The following CASK variants were observed in gnomAD, a reference collection of about 807,000 sequenced individuals.
The protein encoded by CASK is calcium/calmodulin dependent serine protein kinase, also known as peripheral plasma membrane protein CASK.
In CASK, 4 loss-of-function variants were observed where a neutral mutation model predicts 82.9. The ratio of observed to expected loss-of-function variants is 0.05; its 90% CI spans 0.02 to 0.11. The LOEUF is 0.11. Ranked by LOEUF, CASK falls within the 10% of genes least tolerant of loss-of-function variation. The pLI, the probability that CASK is intolerant of heterozygous loss-of-function variation, is 1.00. For synonymous variants in CASK, 259 were observed against 253.5 expected (o/e 1.02, Z -0.20); for missense variants, 358 against 720.9 (o/e 0.50, Z 5.76).
intron 25 of CASK, among the ~76,000 whole-genome samples, chrX:41,530,730 T>C (rs893492752): frequency 1.1e-4 from 12 of 112,287 alleles, no homozygotes; most frequent in Non-Finnish European, 2.1e-4. Context: ...CTGGCAGGCG[T>C]AGACACAATC....
intron 12 of CASK, among the ~76,000 whole-genome samples, chrX:41,599,041 T>C (rs2065861498): frequency 9.0e-6 from 1 of 111,686 alleles, no homozygotes; most frequent in South Asian, 3.8e-4. Flanking sequence ...TTCCTAAATC[T>C]AGTGACTGAA....
intron 15 of CASK, among the ~76,000 whole-genome samples, chrX:41,570,647 T>C (rs998194015): frequency 5.3e-5 from 6 of 112,259 alleles, no homozygotes; most frequent in Non-Finnish European, 1.1e-4. Context: ...CAGTCAACTT[T>C]TGCTGACTAC....
chrX:41,641,433 T>C (rs950454992), intron 8 of CASK, among the ~76,000 whole-genome samples: 12 of 111,752 alleles, frequency 1.1e-4, no homozygotes, highest in Non-Finnish European at 3.8e-5. Flanking sequence ...CAGTATACTT[T>C]ACAGTCTATA....
chrX:41,898,735 A>T (rs1314886414), intron 1 of CASK, among the ~76,000 whole-genome samples: 1 of 111,448 alleles, frequency 9.0e-6, no homozygotes, highest in African/African-American at 3.3e-5. Flanking sequence ...CATATTTAGG[A>T]ATTTTCCGTT....
intron 5 of CASK, among the ~76,000 whole-genome samples, chrX:41,707,685 TGAGAGAGC>T (rs1418670443): frequency 1.8e-5 from 2 of 111,348 alleles, no homozygotes; most frequent in East Asian, 2.8e-4. Flanking sequence ...TGTGTGTGCA[TGAGAGAGC>T]GAGAGAGAGA....
intron 5 of CASK, among the ~76,000 whole-genome samples, chrX:41,701,300 T>A (rs2067789059): frequency 8.9e-6 from 1 of 111,786 alleles, no homozygotes; most frequent in African/African-American, 3.3e-5. Flanking sequence ...GAAATAACTA[T>A]AGGGAAAAAT....
At chrX:41,813,153 A>G (rs1263882484) in intron 2 of CASK, among the ~76,000 whole-genome samples, 1 of 111,639 alleles carries the variant, frequency 9.0e-6, no homozygotes. Context: ...TATCGTGAAA[A>G]TGGCCATACT....
chrX:41,911,914 G>C (rs1206801201), intron 1 of CASK, among the ~76,000 whole-genome samples: 1 of 110,574 alleles, frequency 9.0e-6, no homozygotes, highest in Admixed American at 9.7e-5. Context: ...TAAGTTCTGG[G>C]ATACATGTGC....
chrX:41,792,289 A>ATTTTT (rs757353818), intron 2 of CASK, among the ~76,000 whole-genome samples: 2 of 91,419 alleles, frequency 2.2e-5, no homozygotes, highest in African/African-American at 7.9e-5. Context: ...TTCAATAAGG[A>ATTTTT]TTTTTTTTTT....
In CASK at chrX:41,589,944, T is replaced by C. The variant is rs41310659; in HGVS notation, c.1156-352A>G. ...AATACAGAGTAAAATGAAAGAATGC[T>C]TTCTGGCCAAGGCACGTCTACACGG... is the stretch of plus-strand genomic sequence containing the variant. On this transcript the variant is annotated intron_variant, in intron 12 of 26. Coordinates refer to ENST00000378163, the MANE Select transcript of CASK (RefSeq NM_001367721.1). 1.1e-3 allele frequency: 236 copies of C among 206,003 alleles called. 1 individual carries two copies. Among genetic ancestry groups the C allele is most frequent in the African/African-American group, 6.6e-3 (224 of 33,920 alleles). The allele number at this position is 206,003 out of a possible 1,213,427, so 17.0% of individuals were successfully genotyped here.
At chrX:41,892,593 C>T (rs1415603702) in intron 1 of CASK, among the ~76,000 whole-genome samples, 1 of 111,518 alleles carries the variant, frequency 9.0e-6, no homozygotes, top group African/African-American at 3.3e-5. Context: ...CCTCAGCCTC[C>T]CGAAGTGCTG....
At chrX:41,735,514 T>C (rs1019885402) in intron 5 of CASK, among the ~76,000 whole-genome samples, 3 of 111,453 alleles carry the variant, frequency 2.7e-5, no homozygotes, top group African/African-American at 9.8e-5. Flanking sequence ...ACCAAAGATA[T>C]ATTAGGAAAT....
At chrX:41,523,227 A>G (rs921207436) in intron 26 of CASK, among the ~76,000 whole-genome samples, 2 of 112,573 alleles carry the variant, frequency 1.8e-5, no homozygotes, top group African/African-American at 6.4e-5. Flanking sequence ...ACAAAAACAT[A>G]ATGACGGAAA....
chrX:41,713,486 T>C (rs776910737), intron 5 of CASK, among the ~76,000 whole-genome samples: 2 of 112,490 alleles, frequency 1.8e-5, no homozygotes, highest in African/African-American at 3.2e-5. Context: ...ATTTGCTTCC[T>C]ATGTAGACCA....
At chrX:41,813,813 G>A (rs1344155318) in intron 2 of CASK, among the ~76,000 whole-genome samples, 21 of 111,476 alleles carry the variant, frequency 1.9e-4, no homozygotes, top group East Asian at 5.6e-4. Context: ...GCAACCTACA[G>A]AATGGGAGAA....
chrX:41,624,135 C>A (rs1214544323), intron 10 of CASK: 1 of 310,668 alleles, frequency 3.2e-6, no homozygotes, highest in East Asian at 9.8e-5. Flanking sequence ...CAATACAAAC[C>A]ATTACTGGAT....
At chrX:41,701,647 A>G (rs1345570056) in intron 5 of CASK, among the ~76,000 whole-genome samples, 1 of 112,388 alleles carries the variant, frequency 8.9e-6, no homozygotes, top group Admixed American at 9.4e-5. Context: ...CCATGTTTTC[A>G]GATGAAGACT....
intron 1 of CASK, among the ~76,000 whole-genome samples, chrX:41,915,819 C>G (rs768947085): frequency 1.9e-5 from 2 of 106,722 alleles, no homozygotes; most frequent in East Asian, 5.8e-4. Context: ...GAAACCCCAT[C>G]TCTACTAGAA....
At chrX:41,749,470 CT>C (rs1264836294) in intron 3 of CASK, among the ~76,000 whole-genome samples, 2 of 91,278 alleles carry the variant, frequency 2.2e-5, no homozygotes, top group Non-Finnish European at 2.1e-5. Flanking sequence ...ACTGCAACCT[CT>C]GCTTCCCAGG....
Sources: allele counts gnomAD v4.1 joint callset (sites outside exome capture counted in the v4.1 genomes callset), GRCh38; gene constraint gnomAD v4.1.1; transcripts MANE v1.5; gene names NCBI Gene and HGNC (gene_info 2026-07-23, HGNC 2026-07-21).